DNAAF9: variants seen among roughly 807,000 people sequenced by gnomAD.
DNAAF9 encodes the protein dynein axonemal assembly factor 9.
A neutral mutation model predicts 167.0 loss-of-function variants in DNAAF9; 90 were observed. That is an observed-to-expected ratio of 0.54 (90% CI 0.45 to 0.64). The LOEUF (loss-of-function observed/expected upper bound fraction) is 0.64. DNAAF9 is among the 30% of genes least tolerant of loss of function. DNAAF9 has a pLI of 0.00. For synonymous variants in DNAAF9, 491 were observed against 508.8 expected, an observed-to-expected ratio of 0.96 and a Z score of 0.47; for missense variants, 1,315 against 1,442.2, an observed-to-expected ratio of 0.91 and a Z score of 1.43.
At chr20:3,403,744 C>A (rs939368142) in intron 1 of DNAAF9, among the ~76,000 whole-genome samples, 1 of 152,098 alleles carries the variant, frequency 6.6e-6, no homozygotes, top group Non-Finnish European at 1.5e-5. Flanking sequence ...TTATAACCAT[C>A]CTCAAAAGAA....
At chr20:3,347,941 A>G (rs889358634) in intron 8 of DNAAF9, among the ~76,000 whole-genome samples, 7 of 152,084 alleles carry the variant, frequency 4.6e-5, no homozygotes, top group African/African-American at 1.7e-4. Context: ...ATGCGTAACA[A>G]CAAAGATCAA....
At chr20:3,311,544 C>G (rs753958852) in intron 20 of DNAAF9, among the ~76,000 whole-genome samples, 15 of 152,124 alleles carry the variant, frequency 9.9e-5, no homozygotes, top group Non-Finnish European at 2.2e-4. Flanking sequence ...AGCCACTGCA[C>G]CTAGCACAAA....
Position 3,298,087 on chromosome 20 carries a change from T to C in DNAAF9, c.1871A>G (p.Asn624Ser), listed in dbSNP as rs1025988491. The C allele has an allele frequency of 1.9e-6, 3 of 1,612,916 alleles. No homozygotes were observed. In the East Asian group the frequency reaches 6.7e-5, roughly 36 times the overall value. ...HLPVHFHGSS[N>S]FLMIALFPKS... ...GGGGAAAAGGGCAATCATCAGAAAATTGCTTGATCCATGGAAATGAACTGG... is the reference window on the plus strand; with the variant it reads ...GGGGAAAAGGGCAATCATCAGAAAACTGCTTGATCCATGGAAATGAACTGG... Residue 624 changes from asparagine (N) to serine (S), a missense_variant, in exon 22 of 37, where the codon AAT becomes AGT. Asn to Ser is a conservative substitution (Grantham distance 46). Coordinates refer to ENST00000252032, the MANE Select transcript of DNAAF9 (RefSeq NM_001009984.3).
At chr20:3,368,176 T>C (rs2083454792) in intron 6 of DNAAF9, among the ~76,000 whole-genome samples, 1 of 152,172 alleles carries the variant, frequency 6.6e-6, no homozygotes, top group Non-Finnish European at 1.5e-5. Context: ...CTTTCCTCTT[T>C]AGTACTCTAA....
At chr20:3,390,184 ATTTTAG>A (rs1173444816) in intron 1 of DNAAF9, among the ~76,000 whole-genome samples, 2 of 152,158 alleles carry the variant, frequency 1.3e-5, no homozygotes, top group African/African-American at 4.8e-5. Context: ...GATGTCCTTT[ATTTTAG>A]ATGCATAAGG....
At chr20:3,353,119 CA>C in intron 7 of DNAAF9, among the ~76,000 whole-genome samples, 1 of 145,780 alleles carries the variant, frequency 6.9e-6, no homozygotes, top group Admixed American at 6.9e-5. Context: ...ATATATATAA[CA>C]TATATATAAC....
intron 31 of DNAAF9, among the ~76,000 whole-genome samples, chr20:3,261,854 T>C (rs1652118768): frequency 6.6e-6 from 1 of 151,804 alleles, no homozygotes; most frequent in Admixed American, 6.6e-5. Flanking sequence ...CTGTGGTACC[T>C]GAATCCTTAG....
intron 26 of DNAAF9, among the ~76,000 whole-genome samples, chr20:3,289,246 T>C (rs2068906478): frequency 6.6e-6 from 1 of 152,226 alleles, no homozygotes; most frequent in South Asian, 2.1e-4. Context: ...GTAACAAACC[T>C]GCACGTTGTG....
chr20:3,379,313 A>G (rs929297317), intron 3 of DNAAF9, among the ~76,000 whole-genome samples: 6 of 151,250 alleles, frequency 4.0e-5, no homozygotes, highest in African/African-American at 1.4e-4. Context: ...TACGTAACCT[A>G]TTTAAAAGCT....
intron 3 of DNAAF9, among the ~76,000 whole-genome samples, chr20:3,379,940 C>A (rs992070720): frequency 6.6e-6 from 1 of 152,152 alleles, no homozygotes; most frequent in Non-Finnish European, 1.5e-5. Flanking sequence ...TGCCTGTAAT[C>A]CCGGCTACTC....
At chr20:3,316,955 C>T (rs1465994499) in intron 17 of DNAAF9, among the ~76,000 whole-genome samples, 162 bp from the exon 18 acceptor site, 5 of 132,860 alleles carry the variant, frequency 3.8e-5, no homozygotes, top group East Asian at 2.3e-4. Flanking sequence ...AGTGCAGTGG[C>T]GCCATCTCGG....
chr20:3,276,973 G>A (rs537124472), intron 29 of DNAAF9, among the ~76,000 whole-genome samples: 1 of 152,114 alleles, frequency 6.6e-6, no homozygotes, highest in Admixed American at 6.5e-5. Context: ...CTTCTCAGGG[G>A]TCCCCTCTAT....
chr20:3,403,855 T>C (rs188093307), intron 1 of DNAAF9, among the ~76,000 whole-genome samples: 77 of 152,292 alleles, frequency 5.1e-4, no homozygotes, highest in Non-Finnish European at 4.3e-4. Context: ...GGTCTTGCTA[T>C]GTTGCCCAGA....
intron 33 of DNAAF9, among the ~76,000 whole-genome samples, chr20:3,257,651 C>A (rs552165139): frequency 2.0e-5 from 3 of 152,200 alleles, no homozygotes; most frequent in African/African-American, 7.2e-5. Flanking sequence ...TCAAGTGATT[C>A]TCCTACCTCA....
At position 3,367,913 on chromosome 20, in the gene DNAAF9, T is replaced by TAAA. The variant is rs35776183; in HGVS notation, c.612+6132_612+6134dup. ...GGCTGCCACAAACCATCAATTTGTT[T>TAAA]AAAAAAAAAAAAAAGCAATATCTAC... On this transcript the variant is annotated intron_variant, in intron 6 of 36. Transcript: ENST00000252032. Among the ~76,000 whole-genome samples, 382 of 142,206 alleles carry TAAA rather than the reference T, an allele frequency of 2.7e-3. 1 individual carries two copies. Among genetic ancestry groups the TAAA allele is most frequent in the African/African-American group, 7.3e-3 (280 of 38,492 alleles). 93.3% of individuals were successfully genotyped at this position (142,206 alleles called of 152,430 possible). A position where few individuals can be genotyped will look rare whatever the true frequency, so the allele number is the denominator to read the frequency against.
At chr20:3,295,915 T>C in intron 23 of DNAAF9, 1 of 1,525,026 alleles carries the variant, frequency 6.6e-7, no homozygotes, top group Non-Finnish European at 9.1e-7. Flanking sequence ...GTTCTCTCAG[T>C]AAACTCAGAC....
At chr20:3,302,071 T>C (rs532295687) in intron 21 of DNAAF9, among the ~76,000 whole-genome samples, 2 of 151,820 alleles carry the variant, frequency 1.3e-5, no homozygotes, top group Non-Finnish European at 2.9e-5. Context: ...GTCTCCCAAG[T>C]AGCTGGGATT....
intron 21 of DNAAF9, among the ~76,000 whole-genome samples, chr20:3,304,125 C>T (rs972274625): frequency 4.6e-5 from 7 of 152,192 alleles, no homozygotes; most frequent in Non-Finnish European, 1.0e-4. Flanking sequence ...AGAGGGGCCA[C>T]TGGAGGCCTT....
In DNAAF9 at chr20:3,344,901, T is replaced by C. The variant is rs1240012572; in HGVS notation, c.790-1170A>G. 2.6e-5 allele frequency among the ~76,000 whole-genome samples: 4 copies of C among 152,366 alleles called. No individual in the cohort carries two copies. The East Asian group carries it at 5.8e-4, about 22-fold the overall frequency. ...CCTCATTGTTTGTTGTCTTCTTTTA[T>C]ACCCCTTGGCATTTTTAATGAAGTA... is the stretch of plus-strand genomic sequence containing the variant. On this transcript the variant is annotated intron_variant, in intron 8 of 36. Coordinates refer to ENST00000252032, the MANE Select transcript of DNAAF9 (RefSeq NM_001009984.3).
Sources: gnomAD v4.1 joint callset for allele counts (sites outside exome capture counted in the v4.1 genomes callset) on GRCh38, gnomAD v4.1.1 for gene constraint, MANE v1.5 for transcripts, NCBI Gene and HGNC (gene_info 2026-07-23, HGNC 2026-07-21) for gene names.